The following CD34 variants were observed in gnomAD, a reference collection of about 807,000 sequenced individuals.
The protein encoded by CD34 is hematopoietic progenitor cell antigen CD34.
A neutral mutation model predicts 40.1 loss-of-function variants in CD34; 34 were observed. The ratio of observed to expected loss-of-function variants is 0.85; its 90% confidence interval spans 0.65 to 1.13. The LOEUF (loss-of-function observed/expected upper bound fraction) is 1.13. CD34 is among the 50% of genes most tolerant of loss of function. CD34 has a pLI of 0.00. For missense variants in CD34, 426 were observed against 466.9 expected, an observed-to-expected ratio of 0.91 and a Z score of 0.81; for synonymous variants, 209 against 190.0, an observed-to-expected ratio of 1.10 and a Z score of -0.82.
intron 1 of CD34, among the ~76,000 whole-genome samples, chr1:207,901,550 A>ATG (rs1399442223): frequency 6.6e-6 from 1 of 152,226 alleles, no homozygotes; most frequent in African/African-American, 2.4e-5. Context: ...TAGAAAGTAG[A>ATG]TGAAGGGAAG....
At chr1:207,893,479 C>G (rs568165640) in intron 4 of CD34, among the ~76,000 whole-genome samples, 6 of 152,234 alleles carry the variant, frequency 3.9e-5, no homozygotes, top group Admixed American at 2.0e-4. Flanking sequence ...ATGAAGGGAC[C>G]TGTTTCAAGT....
At chr1:207,888,228 G>A in intron 7 of CD34, 1 of 1,142,768 alleles carries the variant, frequency 8.8e-7, no homozygotes, top group South Asian at 1.2e-5. Context: ...ACCTCCCCAG[G>A]GTAGGGGACA....
chr1:207,891,575 TG>T (rs965939480), intron 4 of CD34, among the ~76,000 whole-genome samples: 1 of 151,514 alleles, frequency 6.6e-6, no homozygotes, highest in Non-Finnish European at 1.5e-5. Flanking sequence ...ACCAGCTACT[TG>T]GGGGGCTGAG....
intron 4 of CD34, 103 bp downstream of exon 4, chr1:207,897,390 C>A: frequency 1.2e-6 from 1 of 852,456 alleles, no homozygotes; most frequent in Non-Finnish European, 1.9e-6. Flanking sequence ...CCCCGGACCC[C>A]TACTCAAATC....
In CD34 at chr1:207,911,085, C is replaced by A; in HGVS notation, c.-5G>T. 6.4e-7 allele frequency: 1 copy of A among 1,573,886 alleles called. No individual in the cohort carries two copies. The highest frequency in any genetic ancestry group is 8.6e-7 in the Non-Finnish European group (1 of 1,163,282). ...CGCGCCCCTGCGGACCAGCATCCTT[C>A]CCGCGCGGCTCCTAGAGAGACGCAC... On this transcript the variant is annotated 5_prime_UTR_variant, in exon 1 of 8. Transcript: ENST00000310833.
chr1:207,890,945 C>T (rs1178830503), intron 4 of CD34, among the ~76,000 whole-genome samples: 2 of 152,200 alleles, frequency 1.3e-5, no homozygotes, highest in Admixed American at 6.5e-5. Flanking sequence ...GTCTGAATGC[C>T]ACACTGAACC....
chr1:207,907,093 A>T (rs941602065), intron 1 of CD34, among the ~76,000 whole-genome samples: 19 of 152,156 alleles, frequency 1.2e-4, no homozygotes, highest in African/African-American at 4.6e-4. Flanking sequence ...CCCTCCCCAG[A>T]GAGCCACTAA....
chr1:207,889,394 C>G, intron 5 of CD34, 71 bp downstream of exon 5: 1 of 1,542,176 alleles, frequency 6.5e-7, no homozygotes, highest in South Asian at 1.2e-5. Flanking sequence ...TAAGATGCCC[C>G]ATCTCCACCC....
chr1:207,889,753 C>CAAA (rs773043427), intron 4 of CD34, 132 bp from the exon 5 acceptor site: 5 of 1,474,876 alleles, frequency 3.4e-6, no homozygotes, highest in East Asian at 5.2e-5. Flanking sequence ...AAAATTCCAA[C>CAAA]AGAAAAAAAA....
In CD34 at chr1:207,883,665, G is replaced by A. The variant is rs536199698; in HGVS notation, c.*4073C>T. On this transcript the variant is annotated 3_prime_UTR_variant, in exon 8 of 8. Transcript: ENST00000310833. ...TTTCTGTGAATGTTAAGTAAAATAT[G>A]CTATTTAAATATTGGCACCATATCT... is the stretch of plus-strand genomic sequence containing the variant. 6.6e-6 allele frequency: 1 copy of A among 152,238 alleles called. No homozygotes were observed. Among genetic ancestry groups the A allele is most frequent in the Admixed American group, 6.5e-5 (1 of 15,298 alleles). The allele number at this position is 152,238 out of a possible 1,614,324, so 9.4% of individuals were successfully genotyped here. A position where few individuals can be genotyped will look rare whatever the true frequency, so the allele number is the denominator to read the frequency against.
chr1:207,910,992 C>A lies in CD34; in HGVS notation c.79+10G>T. Reference sequence around the variant, plus strand: ...AAGCCAAGCGGCCGCGGCGCGCGGGCGGTACTCACGCAGCAAACTCAGCAA... The same window carrying A: ...AAGCCAAGCGGCCGCGGCGCGCGGGAGGTACTCACGCAGCAAACTCAGCAA... On this transcript the variant is annotated intron_variant, in intron 1 of 7. Coordinates refer to ENST00000310833, the MANE Select transcript of CD34 (RefSeq NM_001025109.2). 1 of 1,574,690 alleles carries A rather than the reference C, an allele frequency of 6.4e-7. No individual in the cohort carries two copies. Among genetic ancestry groups the A allele is most frequent in the African/African-American group, 1.3e-5 (1 of 74,518 alleles).
intron 3 of CD34, among the ~76,000 whole-genome samples, chr1:207,897,977 G>T (rs1188305393): frequency 6.6e-6 from 1 of 152,020 alleles, no homozygotes; most frequent in East Asian, 1.9e-4. Context: ...CAGATGCTGG[G>T]GTACCTGTTT....
At chr1:207,895,740 C>T (rs1329287893) in intron 4 of CD34, among the ~76,000 whole-genome samples, 1 of 152,330 alleles carries the variant, frequency 6.6e-6, no homozygotes, top group South Asian at 2.1e-4. Context: ...AATTAGCATT[C>T]TGGCACATAC....
At chr1:207,895,193 T>C (rs1294440817) in intron 4 of CD34, among the ~76,000 whole-genome samples, 1 of 152,136 alleles carries the variant, frequency 6.6e-6, no homozygotes, top group Non-Finnish European at 1.5e-5. Context: ...ACAGATTGTT[T>C]ATCAGACAAG....
chr1:207,901,329 T>C (rs1462672374), intron 1 of CD34, among the ~76,000 whole-genome samples: 1 of 152,248 alleles, frequency 6.6e-6, no homozygotes, highest in African/African-American at 2.4e-5. Flanking sequence ...CTTGATCAAA[T>C]GGCACTTTGC....
Position 207,898,688 on chromosome 1 carries a change from C to T in CD34, c.516+285G>A, listed in dbSNP as rs557814737. Among the ~76,000 whole-genome samples the T allele has an allele frequency of 7.4e-4, 112 of 152,354 alleles. 1 individual carries two copies. The highest frequency in any genetic ancestry group is 1.5e-3 in the Non-Finnish European group (101 of 68,030). On this transcript the variant is annotated intron_variant, in intron 3 of 7. Transcript: ENST00000310833. The stretch of plus-strand genomic sequence containing the variant: ...CTGGTCAAAGCCCCACTGATAGGTA[C>T]TAGAAAGAACCAGAGGATTGGATGG...
chr1:207,892,875 A>G (rs1033339454), intron 4 of CD34, among the ~76,000 whole-genome samples: 4 of 152,160 alleles, frequency 2.6e-5, no homozygotes, highest in Admixed American at 6.5e-5. Flanking sequence ...TAACATCCCA[A>G]CCAGTTGGCC....
intron 4 of CD34, 157 bp from the exon 5 acceptor site, chr1:207,889,778 T>C: frequency 6.3e-7 from 1 of 1,580,386 alleles, no homozygotes; most frequent in African/African-American, 1.4e-5. Context: ...CTGCTAACTG[T>C]ATATGTGCAA....
At chr1:207,903,046 A>T (rs1192578879) in intron 1 of CD34, among the ~76,000 whole-genome samples, 1 of 152,164 alleles carries the variant, frequency 6.6e-6, no homozygotes, top group Non-Finnish European at 1.5e-5. Flanking sequence ...GGGCAGAAAG[A>T]CCAAACTGAG....
Sources: allele counts gnomAD v4.1 joint callset (sites outside exome capture counted in the v4.1 genomes callset), GRCh38; gene constraint gnomAD v4.1.1; transcripts MANE v1.5; gene names NCBI Gene and HGNC (gene_info 2026-07-23, HGNC 2026-07-21).